Variants in SREK1IP1 observed in about 807,000 individuals in gnomAD.
The protein encoded by SREK1IP1 is protein SREK1IP1.
In SREK1IP1, 12 loss-of-function variants were observed where a neutral mutation model predicts 22.8. That is an observed-to-expected ratio of 0.53 (90% CI 0.34 to 0.85). SREK1IP1 has a LOEUF of 0.85. SREK1IP1 is among the 40% of genes least tolerant of loss of function. The pLI, the probability that SREK1IP1 is intolerant of heterozygous loss-of-function variation, is 0.02. For synonymous variants in SREK1IP1, 53 were observed against 52.7 expected (o/e 1.01, Z -0.02); for missense variants, 147 against 171.8 (o/e 0.86, Z 0.81).
intron 4 of SREK1IP1, 49 bp from the exon 5 acceptor site, chr5:64,724,622 G>A (rs942951424): frequency 7.4e-7 from 1 of 1,357,312 alleles, no homozygotes. Flanking sequence ...ATGACTGATA[G>A]ATAAATTTAA....
chr5:64,734,103 T>G (rs781601210), intron 3 of SREK1IP1, among the ~76,000 whole-genome samples: 1 of 152,084 alleles, frequency 6.6e-6, no homozygotes, highest in Non-Finnish European at 1.5e-5. Context: ...GATGTTACCA[T>G]TGAGGGAAAC....
chr5:64,735,709 TTCTC>T (rs1374016881), intron 3 of SREK1IP1, among the ~76,000 whole-genome samples: 15 of 152,156 alleles, frequency 9.9e-5, no homozygotes, highest in Non-Finnish European at 1.8e-4. Flanking sequence ...GTGTTATCGA[TTCTC>T]TCATTTCTGA....
chr5:64,757,534 T>C (rs1277362719), intron 1 of SREK1IP1, among the ~76,000 whole-genome samples: 2 of 152,224 alleles, frequency 1.3e-5, no homozygotes, highest in African/African-American at 4.8e-5. Context: ...ACTAAGTAAA[T>C]GCAGAACATT....
intron 2 of SREK1IP1, among the ~76,000 whole-genome samples, chr5:64,753,099 C>T (rs2112107008): frequency 6.6e-6 from 1 of 152,296 alleles, no homozygotes; most frequent in African/African-American, 2.4e-5. Context: ...GAGGAGACTA[C>T]ATCAACAAAT....
intron 3 of SREK1IP1, among the ~76,000 whole-genome samples, chr5:64,734,895 GC>G (rs891392737): frequency 1.2e-4 from 18 of 152,132 alleles, no homozygotes; most frequent in African/African-American, 4.3e-4. Flanking sequence ...AAATCTGGAT[GC>G]CTTTATTTTT....
chr5:64,766,668 T>C (rs1222965693), intron 1 of SREK1IP1, among the ~76,000 whole-genome samples: 1 of 152,240 alleles, frequency 6.6e-6, no homozygotes, highest in Non-Finnish European at 1.5e-5. Flanking sequence ...AGCTGGAAAC[T>C]ACCTTGTAAG....
intron 3 of SREK1IP1, among the ~76,000 whole-genome samples, chr5:64,735,798 C>T (rs115403394): frequency 0.016 from 2,427 of 152,072 alleles, 30 homozygotes; most frequent in Non-Finnish European, 0.027. Context: ...AGTTTATGGA[C>T]CTTCTCAAAT....
At chr5:64,727,113 A>T (rs1742280825) in intron 4 of SREK1IP1, among the ~76,000 whole-genome samples, 1 of 152,156 alleles carries the variant, frequency 6.6e-6, no homozygotes, top group Non-Finnish European at 1.5e-5. Flanking sequence ...TCCAATTTAT[A>T]AGATACCTGA....
At chr5:64,737,686 C>T (rs570005886) in intron 3 of SREK1IP1, among the ~76,000 whole-genome samples, 1 of 151,214 alleles carries the variant, frequency 6.6e-6, no homozygotes, top group East Asian at 1.9e-4. Context: ...TTTAACTAGA[C>T]TAACTCAGAA....
At chr5:64,740,583 G>A (rs912799556) in intron 3 of SREK1IP1, among the ~76,000 whole-genome samples, 2 of 152,144 alleles carry the variant, frequency 1.3e-5, no homozygotes, top group Admixed American at 6.6e-5. Flanking sequence ...TATGCCTCAC[G>A]ATCACTTGTA....
intron 1 of SREK1IP1, among the ~76,000 whole-genome samples, chr5:64,761,525 A>C (rs1351812790): frequency 3.3e-5 from 5 of 152,244 alleles, no homozygotes. Flanking sequence ...ACAAACTTGT[A>C]CCGTATGTCA....
In SREK1IP1 at chr5:64,744,717, T is replaced by C. The variant is rs978556082; in HGVS notation, c.62-3517A>G. The stretch of plus-strand genomic sequence containing the variant: ...AGTTTTATTAATCACAACACGTAGT[T>C]GGACTTAATTTTTTAAATTTGATTT... On this transcript the variant is annotated intron_variant, in intron 2 of 4. Transcript: ENST00000513458. Among the ~76,000 whole-genome samples, 5 of 152,204 alleles carry C rather than the reference T, an allele frequency of 3.3e-5. 1 individual carries two copies. The highest frequency in any genetic ancestry group is 1.2e-4 in the African/African-American group (5 of 41,454).
intron 2 of SREK1IP1, among the ~76,000 whole-genome samples, chr5:64,745,585 T>G: frequency 6.9e-6 from 1 of 145,086 alleles, no homozygotes; most frequent in Non-Finnish European, 1.5e-5. Context: ...TAAAACTGCC[T>G]CAAAAAAAAA....
chr5:64,720,926 T>G lies in SREK1IP1; in HGVS notation c.*3458A>C, dbSNP rs753059870. ...GAACTTAAAATGGTAGTCTCAATTC[T>G]TACCACTTCCTGCCTCGCCTATGAT... On this transcript the variant is annotated 3_prime_UTR_variant, in exon 5 of 5. Transcript: ENST00000513458. 6.6e-6 allele frequency: 1 copy of G among 152,270 alleles called. No individual in the cohort carries two copies. Among genetic ancestry groups the G allele is most frequent in the Non-Finnish European group, 1.5e-5 (1 of 68,076 alleles). 9.4% of individuals were successfully genotyped at this position (152,270 alleles called of 1,614,324 possible).
intron 2 of SREK1IP1, among the ~76,000 whole-genome samples, chr5:64,744,715 G>A (rs1742605185): frequency 6.6e-6 from 1 of 152,120 alleles, no homozygotes; most frequent in Non-Finnish European, 1.5e-5. Context: ...ACAACACGTA[G>A]TTGGACTTAA....
At chr5:64,742,070 T>TA (rs1742561054) in intron 2 of SREK1IP1, among the ~76,000 whole-genome samples, 1 of 151,984 alleles carries the variant, frequency 6.6e-6, no homozygotes, top group African/African-American at 2.4e-5. Flanking sequence ...TATGTATTCT[T>TA]AAAAAAATAA....
At chr5:64,751,718 G>T (rs933032203) in intron 2 of SREK1IP1, among the ~76,000 whole-genome samples, 1 of 152,136 alleles carries the variant, frequency 6.6e-6, no homozygotes, top group Admixed American at 6.5e-5. Context: ...TACCACCTGT[G>T]GTTGAGAATT....
rs538751114 is a variant in SREK1IP1 at position 64,731,666 on chromosome 5, G to A, written c.206-3487C>T. 7.2e-5 allele frequency among the ~76,000 whole-genome samples: 11 copies of A among 152,156 alleles called. No homozygotes were observed. In the South Asian group the frequency reaches 1.7e-3, roughly 23 times the overall value. ...AAAGGGCATTTTGCTAAGACAATAT[G>A]TTGATGATGTCTTGAACATATAAAA... On this transcript the variant is annotated intron_variant, in intron 3 of 4. Transcript: ENST00000513458.
At chr5:64,734,339 T>C (rs1742423277) in intron 3 of SREK1IP1, among the ~76,000 whole-genome samples, 1 of 152,110 alleles carries the variant, frequency 6.6e-6, no homozygotes, top group African/African-American at 2.4e-5. Flanking sequence ...TTACTAATCC[T>C]TTTGAAAGTG....
Sources: gnomAD v4.1 joint callset for allele counts (sites outside exome capture counted in the v4.1 genomes callset) on GRCh38, gnomAD v4.1.1 for gene constraint, MANE v1.5 for transcripts, NCBI Gene and HGNC (gene_info 2026-07-23, HGNC 2026-07-21) for gene names.